Variants in MREG observed in about 807,000 individuals in gnomAD.
MREG encodes the protein melanoregulin.
Under a neutral mutation model 28.5 loss-of-function variants are expected in MREG, and 31 were observed. The observed-to-expected ratio is 1.09, with a 90% CI of 0.82 to 1.47. MREG has a LOEUF of 1.47. Among genes scored for constraint, MREG ranks in the 40% most tolerant of loss-of-function variants. The pLI, the probability that MREG is intolerant of heterozygous loss-of-function variation, is 0.00. For missense variants in MREG, 256 were observed against 257.4 expected (o/e 0.99, Z 0.04); for synonymous variants, 106 against 95.2 (o/e 1.11, Z -0.66).
At chr2:216,014,384 C>T (rs924054475), upstream of MREG, among the ~76,000 whole-genome samples, 2 of 152,134 alleles carry the variant, frequency 1.3e-5, no homozygotes, top group African/African-American at 4.8e-5. Flanking sequence ...GGCGCGGTAG[C>T]TCAAGCCTGT....
chr2:215,994,019 C>A (rs1404654557), intron 2 of MREG, among the ~76,000 whole-genome samples: 5 of 150,384 alleles, frequency 3.3e-5, no homozygotes, highest in Non-Finnish European at 4.4e-5. Flanking sequence ...CCTCAAGGAT[C>A]TAGAACCAGA....
At chr2:215,962,245 T>A (rs1692811123) in intron 2 of MREG, among the ~76,000 whole-genome samples, 1 of 152,228 alleles carries the variant, frequency 6.6e-6, no homozygotes, top group Non-Finnish European at 1.5e-5. Flanking sequence ...AGCTCACAGC[T>A]CCTGCTGCCC....
Position 215,944,746 on chromosome 2 carries a change from A to T in MREG, c.*117T>A. Reference sequence around the variant, plus strand: ...ACTTTACATTTATGTAGAATTCAGTATCATTTTTCACTAAGCAAACTCTAT... The same window carrying T: ...ACTTTACATTTATGTAGAATTCAGTTTCATTTTTCACTAAGCAAACTCTAT... On this transcript the variant is annotated 3_prime_UTR_variant, in exon 5 of 5. Coordinates refer to ENST00000263268, the MANE Select transcript of MREG (RefSeq NM_018000.3). 9.3e-7 allele frequency: 1 copy of T among 1,072,792 alleles called. No individual in the cohort carries two copies. Among genetic ancestry groups the T allele is most frequent in the Non-Finnish European group, 1.3e-6 (1 of 773,650 alleles). 66.5% of individuals were successfully genotyped at this position (1,072,792 alleles called of 1,614,324 possible).
chr2:216,009,626 C>A (rs1401755093), intron 1 of MREG, among the ~76,000 whole-genome samples: 1 of 152,154 alleles, frequency 6.6e-6, no homozygotes, highest in African/African-American at 2.4e-5. Context: ...TCAGGAGAAT[C>A]ACATGTTCAA....
intron 2 of MREG, among the ~76,000 whole-genome samples, chr2:215,984,518 C>CAAAAAAAAAAAAA (rs375220091): frequency 1.8e-4 from 12 of 68,040 alleles, no homozygotes; most frequent in African/African-American, 4.1e-4. Context: ...ACCTTGTCAC[C>CAAAAAAAAAAAAA]AAAAAAAAAA....
chr2:215,960,457 A>C (rs563248059), intron 2 of MREG, among the ~76,000 whole-genome samples: 187 of 152,344 alleles, frequency 1.2e-3, no homozygotes, highest in South Asian at 2.3e-3. Flanking sequence ...CCTATTGTGA[A>C]TATAGAAAGC....
chr2:215,945,847 T>C lies in MREG; in HGVS notation c.347-113A>G, dbSNP rs531779530. 4.5e-5 allele frequency: 40 copies of C among 893,318 alleles called. No homozygotes were observed. The African/African-American group carries it at 6.2e-4, about 14-fold the overall frequency. 55.3% of individuals were successfully genotyped at this position (893,318 alleles called of 1,614,324 possible). A position where few individuals can be genotyped will look rare whatever the true frequency, so the allele number is the denominator to read the frequency against. ...GACCCATGTGGATTCTGTACAAGCATAAAGCATCAGAAAACTGAAGCCAAA... is the reference window on the plus strand; with the variant it reads ...GACCCATGTGGATTCTGTACAAGCACAAAGCATCAGAAAACTGAAGCCAAA... On this transcript the variant is annotated intron_variant, in intron 3 of 4. Coordinates refer to ENST00000263268, the MANE Select transcript of MREG (RefSeq NM_018000.3).
chr2:215,996,537 C>A, intron 1 of MREG, 72 bp from the exon 2 acceptor site: 1 of 1,081,326 alleles, frequency 9.2e-7, no homozygotes, highest in Non-Finnish European at 1.4e-6. Flanking sequence ...ATGCATGCAA[C>A]ATACAATATC....
chr2:215,975,807 C>G (rs1056281390), intron 2 of MREG, among the ~76,000 whole-genome samples: 1 of 152,106 alleles, frequency 6.6e-6, no homozygotes, highest in Non-Finnish European at 1.5e-5. Flanking sequence ...CTCATAGGGC[C>G]GGGCGCCGTG....
intron 1 of MREG, among the ~76,000 whole-genome samples, chr2:216,019,906 T>C (rs1694497543): frequency 1.3e-5 from 2 of 152,176 alleles, no homozygotes; most frequent in South Asian, 4.1e-4. Context: ...ATTCTTCAGT[T>C]CCAAGCAACA....
At chr2:215,951,912 G>GCATTTCCC (rs1423195149) in intron 2 of MREG, among the ~76,000 whole-genome samples, 10 of 152,128 alleles carry the variant, frequency 6.6e-5, no homozygotes, top group Admixed American at 4.6e-4. Flanking sequence ...TCTTTAACCA[G>GCATTTCCC]CATTTCCCCA....
intron 2 of MREG, among the ~76,000 whole-genome samples, chr2:215,976,107 CA>C (rs11323124): frequency 0.63 from 87,606 of 139,276 alleles, 26,619 homozygotes; most frequent in East Asian, 0.82. Context: ...GACTCCGTCT[CA>C]AAAAAAAAAA....
intron 1 of MREG, among the ~76,000 whole-genome samples, chr2:216,009,949 T>G (rs1694254128): frequency 6.6e-6 from 1 of 152,188 alleles, no homozygotes; most frequent in Non-Finnish European, 1.5e-5. Context: ...TCAAAAGTAC[T>G]CTGTAATGGG....
chr2:216,009,110 C>T (rs1208788583), intron 1 of MREG, among the ~76,000 whole-genome samples: 2 of 152,026 alleles, frequency 1.3e-5, no homozygotes, highest in African/African-American at 2.4e-5. Context: ...TCCTGTGAGC[C>T]GATGGCAGGA....
chr2:215,963,202 G>T (rs976239223), intron 2 of MREG, among the ~76,000 whole-genome samples: 1 of 152,160 alleles, frequency 6.6e-6, no homozygotes, highest in African/African-American at 2.4e-5. Flanking sequence ...GCTTGCACCT[G>T]TAATCCCAGC....
At chr2:215,980,049 C>A (rs1456310101) in intron 2 of MREG, among the ~76,000 whole-genome samples, 2 of 151,836 alleles carry the variant, frequency 1.3e-5, no homozygotes, top group African/African-American at 4.8e-5. Context: ...CACATGCCTG[C>A]CAATTAATAT....
intron 2 of MREG, among the ~76,000 whole-genome samples, chr2:215,970,162 T>C (rs1693050799): frequency 1.3e-5 from 2 of 152,156 alleles, no homozygotes; most frequent in South Asian, 2.1e-4. Flanking sequence ...TGGTGGGCCC[T>C]AATCCAGTAC....
intron 2 of MREG, among the ~76,000 whole-genome samples, chr2:215,995,520 C>G (rs567544894): frequency 6.8e-6 from 1 of 147,538 alleles, no homozygotes; most frequent in East Asian, 2.0e-4. Context: ...CCCCCCGCCA[C>G]CAATATACAC....
At position 215,943,903 on chromosome 2, in the gene MREG, A is replaced by G. The variant is rs1164725325; in HGVS notation, c.*960T>C. 6.8e-6 allele frequency among the ~76,000 whole-genome samples: 1 copy of G among 146,838 alleles called. No individual in the cohort carries two copies. The highest frequency in any genetic ancestry group is 1.5e-5 in the Non-Finnish European group (1 of 66,550). On this transcript the variant is annotated 3_prime_UTR_variant, in exon 5 of 5. Transcript: ENST00000263268. The stretch of plus-strand genomic sequence containing the variant: ...GAATAGAAATGGACAATATACAAAG[A>G]TGAGAGAACCAGATATCAATAATGT...
Sources: gnomAD v4.1 joint callset for allele counts (sites outside exome capture counted in the v4.1 genomes callset) on GRCh38, gnomAD v4.1.1 for gene constraint, MANE v1.5 for transcripts, NCBI Gene and HGNC (gene_info 2026-07-23, HGNC 2026-07-21) for gene names.